The following PKIB variants were observed in gnomAD, a reference collection of about 807,000 sequenced individuals.
The protein encoded by PKIB is cAMP-dependent protein kinase inhibitor beta.
In PKIB, 2 loss-of-function variants were observed where a neutral mutation model predicts 4.5. The ratio of observed to expected loss-of-function variants is 0.44; its 90% CI spans 0.18 to 1.39. The LOEUF (loss-of-function observed/expected upper bound fraction) is 1.39, where lower values mean the gene tolerates loss of function less well. Among genes scored for constraint, PKIB ranks in the 40% most tolerant of loss-of-function variants. The pLI is 0.27. For missense variants in PKIB, 94 were observed against 92.6 expected (o/e 1.02, Z -0.06); for synonymous variants, 38 against 36.0 (o/e 1.06, Z -0.20).
chr6:122,685,093 C>T (rs544233519), intron 3 of PKIB, among the ~76,000 whole-genome samples: 403 of 152,178 alleles, frequency 2.6e-3, no homozygotes, highest in African/African-American at 9.0e-3. Flanking sequence ...CACTTGCCCC[C>T]GGTCATAGAC....
chr6:122,533,314 C>T (rs1310329194), intron 2 of PKIB, among the ~76,000 whole-genome samples: 2 of 151,998 alleles, frequency 1.3e-5, no homozygotes, highest in African/African-American at 2.4e-5. Context: ...GGACTATAGG[C>T]GTATACCACC....
chr6:122,595,505 G>C (rs1174902289), intron 3 of PKIB, among the ~76,000 whole-genome samples: 1 of 152,138 alleles, frequency 6.6e-6, no homozygotes, highest in Non-Finnish European at 1.5e-5. Context: ...TGGTAGTCTT[G>C]GCAGAAGCAT....
chr6:122,637,633 G>A (rs1470482508), intron 2 of PKIB, among the ~76,000 whole-genome samples: 1 of 151,818 alleles, frequency 6.6e-6, no homozygotes. Flanking sequence ...GCAGGTGCCT[G>A]TAGTCCCACA....
At chr6:122,521,783 T>A (rs886349489) in intron 2 of PKIB, among the ~76,000 whole-genome samples, 1 of 152,202 alleles carries the variant, frequency 6.6e-6, no homozygotes, top group Admixed American at 6.5e-5. Flanking sequence ...CTTTTTCACT[T>A]TTTTTATTTG....
At chr6:122,554,702 A>C (rs928904260) in intron 2 of PKIB, among the ~76,000 whole-genome samples, 1 of 152,154 alleles carries the variant, frequency 6.6e-6, no homozygotes, top group African/African-American at 2.4e-5. Flanking sequence ...GAACAGAGTA[A>C]ACTTTAAAGA....
chr6:122,659,041 C>T (rs1385298596), intron 2 of PKIB, among the ~76,000 whole-genome samples: 3 of 151,856 alleles, frequency 2.0e-5, no homozygotes, highest in Non-Finnish European at 4.4e-5. Flanking sequence ...GAAAACTACA[C>T]TTTACCAAAT....
chr6:122,725,075 A>T, intron 4 of PKIB, 53 bp from the exon 5 acceptor site: 3 of 1,348,208 alleles, frequency 2.2e-6, no homozygotes, highest in Non-Finnish European at 2.1e-6. Flanking sequence ...TTCTAACATA[A>T]TACAAAATAA....
chr6:122,534,085 A>G (rs1777335788), intron 2 of PKIB, among the ~76,000 whole-genome samples: 1 of 150,768 alleles, frequency 6.6e-6, no homozygotes, highest in African/African-American at 2.4e-5. Context: ...TTAAATAATG[A>G]CAGCAATAAT....
At position 122,725,017 on chromosome 6, in the gene PKIB, T is replaced by C. The variant is rs574984607; in HGVS notation, c.170-111T>C. The C allele has an allele frequency of 3.4e-5, 27 of 793,834 alleles. No homozygotes were observed. The African/African-American group carries it at 4.0e-4, about 12-fold the overall frequency. 49.2% of individuals were successfully genotyped at this position (793,834 alleles called of 1,614,324 possible). On this transcript the variant is annotated intron_variant, in intron 4 of 4. Transcript: ENST00000368452. ...TCTTTGTATAGTTTCCATATCTGAA[T>C]TGAGGGCAAAATATGGACGGTGGAC...
rs1774414472 is a variant in PKIB at position 122,602,777 on chromosome 6, AC to A, written c.-161+16771del. ...TAAAAATACAAAAAACAAGCAAAAA[AC>A]AAATGAACAAACAAAAAAAACAAAA... On this transcript the variant is annotated intron_variant, in intron 3 of 6. Coordinates refer to the PKIB transcript ENST00000392491. Among the ~76,000 whole-genome samples the A allele has an allele frequency of 3.9e-5, 6 of 151,966 alleles. No individual in the cohort carries two copies. In the South Asian group the frequency reaches 1.2e-3, roughly 32 times the overall value.
At chr6:122,675,312 A>C (rs984631120) in intron 3 of PKIB, among the ~76,000 whole-genome samples, 168 bp downstream of exon 3, 3 of 152,188 alleles carry the variant, frequency 2.0e-5, no homozygotes, top group African/African-American at 7.2e-5. Flanking sequence ...TCAAACAACA[A>C]AATAAATAAA....
chr6:122,699,844 A>G (rs1003400168), intron 3 of PKIB, among the ~76,000 whole-genome samples: 1 of 152,174 alleles, frequency 6.6e-6, no homozygotes, highest in Non-Finnish European at 1.5e-5. Context: ...TGAGAAATTT[A>G]GGCAAGACAG....
At chr6:122,703,241 T>C (rs1778907029) in intron 3 of PKIB, among the ~76,000 whole-genome samples, 1 of 152,208 alleles carries the variant, frequency 6.6e-6, no homozygotes, top group Non-Finnish European at 1.5e-5. Context: ...AAAATTTTTA[T>C]AGCCTTAATA....
intron 2 of PKIB, among the ~76,000 whole-genome samples, chr6:122,555,806 T>C (rs1772818695): frequency 6.6e-6 from 1 of 152,204 alleles, no homozygotes; most frequent in African/African-American, 2.4e-5. Context: ...TGTTTATAAG[T>C]GTTGATACTT....
intron 2 of PKIB, among the ~76,000 whole-genome samples, chr6:122,667,922 A>C (rs1415081477): frequency 6.6e-6 from 1 of 152,156 alleles, no homozygotes; most frequent in Non-Finnish European, 1.5e-5. Flanking sequence ...GACAGGAGTG[A>C]AGCAATGGCA....
At chr6:122,626,356 A>T (rs916709638) in intron 1 of PKIB, among the ~76,000 whole-genome samples, 2 of 152,242 alleles carry the variant, frequency 1.3e-5, no homozygotes, top group African/African-American at 4.8e-5. Flanking sequence ...ATGATCACTT[A>T]TTGAATACCT....
At chr6:122,557,893 T>G (rs1435148809) in intron 2 of PKIB, among the ~76,000 whole-genome samples, 1 of 152,188 alleles carries the variant, frequency 6.6e-6, no homozygotes, top group African/African-American at 2.4e-5. Flanking sequence ...TAAGGTCTGA[T>G]TTTTACAATG....
chr6:122,576,396 C>T (rs376642634), intron 2 of PKIB, among the ~76,000 whole-genome samples: 120 of 125,600 alleles, frequency 9.6e-4, no homozygotes, highest in East Asian at 8.4e-3. Context: ...TGGCTGGGCG[C>T]GGTGGCTCAC....
chr6:122,539,670 T>C (rs886514461), intron 2 of PKIB, among the ~76,000 whole-genome samples: 14 of 152,098 alleles, frequency 9.2e-5, no homozygotes, highest in African/African-American at 3.4e-4. Flanking sequence ...TGCCAGGCTT[T>C]GGTATGAGGA....
Sources: allele counts gnomAD v4.1 joint callset (sites outside exome capture counted in the v4.1 genomes callset), GRCh38; gene constraint gnomAD v4.1.1; transcripts MANE v1.5; gene names NCBI Gene and HGNC (gene_info 2026-07-23, HGNC 2026-07-21).